Variants in DYNLRB2 observed in about 807,000 individuals in gnomAD.
DYNLRB2 encodes dynein light chain roadblock-type 2.
A neutral mutation model predicts 12.6 loss-of-function variants in DYNLRB2; 14 were observed. The observed-to-expected ratio is 1.11, with a 90% CI of 0.73 to 1.73. DYNLRB2 has a LOEUF of 1.73. Ranked by LOEUF, DYNLRB2 falls within the 40% of genes most tolerant of loss-of-function variation. DYNLRB2 has a pLI of 0.00. For synonymous variants in DYNLRB2, 53 were observed against 37.0 expected, an observed-to-expected ratio of 1.43 and a Z score of -1.57; for missense variants, 142 against 117.7, an observed-to-expected ratio of 1.21 and a Z score of -0.95.
In DYNLRB2 at chr16:80,549,542, T is replaced by A; in HGVS notation, c.138T>A (p.Leu46=). The change falls in exon 3 of 4, where the codon CTT becomes CTA. Residue 46 remains leucine, a synonymous_variant. Coordinates refer to ENST00000305904, the MANE Select transcript of DYNLRB2 (RefSeq NM_130897.3). Reference sequence around the variant, plus strand: ...CAACTGTTCAATATGCAGGCCTTCTTCATCACCTGACAATGAAAGCCAAAA... The same window carrying A: ...CAACTGTTCAATATGCAGGCCTTCTACATCACCTGACAATGAAAGCCAAAA... ...NSTTVQYAGL[L]HHLTMKAKST... The A allele has an allele frequency of 6.2e-7, 1 of 1,613,436 alleles. No individual in the cohort carries two copies. The highest frequency in any genetic ancestry group is 1.3e-5 in the African/African-American group (1 of 75,058).
At chr16:80,542,399 A>T (rs7186842) in intron 1 of DYNLRB2, among the ~76,000 whole-genome samples, 2 of 152,100 alleles carry the variant, frequency 1.3e-5, no homozygotes, top group African/African-American at 4.8e-5. Context: ...TAGAGAAAAT[A>T]AGTGCTCCTG....
chr16:80,548,417 T>G (rs918170947), intron 2 of DYNLRB2, among the ~76,000 whole-genome samples: 1 of 152,164 alleles, frequency 6.6e-6, no homozygotes. Flanking sequence ...GTTTCTGTTT[T>G]AAACTCATGT....
At chr16:80,544,401 GA>G (rs1904328539) in intron 2 of DYNLRB2, among the ~76,000 whole-genome samples, 1 of 152,220 alleles carries the variant, frequency 6.6e-6, no homozygotes, top group Non-Finnish European at 1.5e-5. Context: ...ATGAGTGAGA[GA>G]GATAATAGAA....
At chr16:80,540,737 G>T, upstream of DYNLRB2, 1 of 702,658 alleles carries the variant, frequency 1.4e-6, no homozygotes, top group South Asian at 1.5e-5. Flanking sequence ...CGAATAAGTG[G>T]TTATCACATT....
chr16:80,543,097 G>T (rs559955881), intron 1 of DYNLRB2, among the ~76,000 whole-genome samples, 179 bp from the exon 2 acceptor site: 27 of 152,300 alleles, frequency 1.8e-4, no homozygotes, highest in African/African-American at 6.3e-4. Flanking sequence ...GAGGTCTTAC[G>T]TAGGTATTTA....
chr16:80,547,946 A>G, intron 2 of DYNLRB2: 1 of 331,826 alleles, frequency 3.0e-6, no homozygotes, highest in South Asian at 2.3e-5. Context: ...TCTTAAAAGA[A>G]AGAGAAATCA....
intron 2 of DYNLRB2, chr16:80,548,920 T>C (rs1205188306): frequency 2.2e-6 from 1 of 455,894 alleles, no homozygotes; most frequent in Non-Finnish European, 4.4e-6. Context: ...TGCAGTGATA[T>C]CCCTTTATGT....
At position 80,550,517 on chromosome 16, in the gene DYNLRB2, A is replaced by T; in HGVS notation, c.250A>T (p.Lys84Ter). ...TGATTTTATCCATCTCTCCATAGAT[A>T]AGGAATATCTTCTGATCGTCATTCA... Reference protein sequence around the residue: ...KKHEIMVAPDKEYLLIVIQNP... With the variant: ...KKHEIMVAPD The change falls in exon 4 of 4, where the codon AAG (lysine) becomes TAG (stop). Residue 84 changes from lysine (K) to a stop codon, truncating the protein, a stop_gained and splice_region_variant. Coordinates refer to ENST00000305904, the MANE Select transcript of DYNLRB2 (RefSeq NM_130897.3). LOFTEE classifies it high-confidence loss of function. 6.2e-7 allele frequency: 1 copy of T among 1,614,186 alleles called. No individual in the cohort carries two copies. The highest frequency in any genetic ancestry group is 1.1e-5 in the South Asian group (1 of 91,084).
At chr16:80,546,503 A>G (rs1904477542) in intron 2 of DYNLRB2, among the ~76,000 whole-genome samples, 1 of 152,240 alleles carries the variant, frequency 6.6e-6, no homozygotes, top group Non-Finnish European at 1.5e-5. Context: ...ACTGTTACTG[A>G]AACACAGACT....
intron 2 of DYNLRB2, chr16:80,549,165 A>C (rs1002335036): frequency 5.4e-6 from 2 of 369,842 alleles, no homozygotes; most frequent in Non-Finnish European, 1.1e-5. Context: ...GATTGATTAT[A>C]TGTCCATAAA....
intron 2 of DYNLRB2, chr16:80,548,873 T>C: frequency 2.2e-6 from 1 of 453,148 alleles, no homozygotes; most frequent in Non-Finnish European, 4.4e-6. Context: ...TGTGAAATAC[T>C]GTGTGAGGAG....
intron 2 of DYNLRB2, chr16:80,549,138 A>G (rs1029409343): frequency 1.3e-5 from 5 of 397,006 alleles, no homozygotes; most frequent in Admixed American, 8.8e-5. Context: ...AAGGTACCAA[A>G]TGACCAAACA....
At position 80,542,579 on chromosome 16, in the gene DYNLRB2, G is replaced by C. The variant is rs527431786; in HGVS notation, c.4-697G>C. ...TGCAGGTTTGGAAAAGATCGTTCTT[G>C]TCTTTGAGTTTTCTACAGGGGAAGA... On this transcript the variant is annotated intron_variant, in intron 1 of 3. Transcript: ENST00000305904. Among the ~76,000 whole-genome samples the C allele has an allele frequency of 7.2e-5, 11 of 152,316 alleles. No individual in the cohort carries two copies. The South Asian group carries it at 1.7e-3, about 23-fold the overall frequency.
At chr16:80,547,920 C>T (rs916833731) in intron 2 of DYNLRB2, 5 of 405,838 alleles carry the variant, frequency 1.2e-5, no homozygotes, top group East Asian at 7.7e-5. Flanking sequence ...GCAAAACATT[C>T]TGGACATAGC....
chr16:80,541,198 C>T, intron 1 of DYNLRB2, 119 bp downstream of exon 1: 2 of 1,458,064 alleles, frequency 1.4e-6, no homozygotes, highest in South Asian at 1.5e-5. Context: ...GCGGCGGAGG[C>T]TGGTGGCTCC....
At chr16:80,549,673 T>C in intron 3 of DYNLRB2, 22 bp downstream of exon 3, 1 of 1,558,652 alleles carries the variant, frequency 6.4e-7, no homozygotes, top group Non-Finnish European at 8.7e-7. Flanking sequence ...TTTCATTTCC[T>C]AGTTAAATCA....
chr16:80,542,955 A>C (rs1316835811), intron 1 of DYNLRB2, among the ~76,000 whole-genome samples: 2 of 152,226 alleles, frequency 1.3e-5, no homozygotes, highest in African/African-American at 4.8e-5. Flanking sequence ...TCTGGGACAA[A>C]TTTCCATGCA....
chr16:80,540,801 C>A (rs1223456367), upstream of DYNLRB2: 2 of 706,094 alleles, frequency 2.8e-6, no homozygotes, highest in East Asian at 5.4e-5. Context: ...GGAGCCTGAC[C>A]CACTTCCCTC....
chr16:80,549,119 A>G, intron 2 of DYNLRB2: 1 of 417,840 alleles, frequency 2.4e-6, no homozygotes, highest in South Asian at 1.7e-5. Flanking sequence ...CATTAGCTAT[A>G]AAAAATATAA....
Sources: allele counts gnomAD v4.1 joint callset (sites outside exome capture counted in the v4.1 genomes callset), GRCh38; gene constraint gnomAD v4.1.1; transcripts MANE v1.5; gene names NCBI Gene and HGNC (gene_info 2026-07-23, HGNC 2026-07-21).